Variants in CFLAR observed in about 807,000 individuals in gnomAD.
The protein encoded by CFLAR is CASP8 and FADD like apoptosis regulator.
A neutral mutation model predicts 51.1 loss-of-function variants in CFLAR; 14 were observed. That is an observed-to-expected ratio of 0.27 (90% CI 0.18 to 0.43). The LOEUF (loss-of-function observed/expected upper bound fraction) is 0.43, where lower values mean the gene tolerates loss of function less well. Ranked by LOEUF, CFLAR falls within the 20% of genes least tolerant of loss-of-function variation. CFLAR has a pLI of 1.00. For missense variants in CFLAR, 390 were observed against 566.5 expected (o/e 0.69, Z 3.16); for synonymous variants, 210 against 211.6 (o/e 0.99, Z 0.06).
Position 201,160,489 on chromosome 2 carries a change from T to C in CFLAR, c.851T>C (p.Leu284Pro). 6.2e-7 allele frequency: 1 copy of C among 1,613,906 alleles called. No individual in the cohort carries two copies. Among genetic ancestry groups the C allele is most frequent in the Non-Finnish European group, 8.5e-7 (1 of 1,179,976 alleles). ...TATGAAGTCCAGAAATTCTTGCATC[T>C]CAGTATGCATGGTATATCCCAGATT... The part of the protein sequence containing the change: ...LGYEVQKFLH[L>P]SMHGISQILG... Residue 284 changes from leucine (L) to proline (P), a missense_variant, in exon 9 of 10, where the codon CTC (leucine) becomes CCC (proline). By Grantham distance (98) the Leu-to-Pro change is moderately conservative. Coordinates refer to ENST00000309955, the MANE Select transcript of CFLAR (RefSeq NM_003879.7).
intron 2 of CFLAR, chr2:201,132,689 G>GT (rs2049493428): frequency 4.8e-6 from 1 of 206,986 alleles, no homozygotes; most frequent in South Asian, 1.8e-4. Context: ...TGTCTTTTAT[G>GT]TTAGTCATTT....
Position 201,176,277 on chromosome 2 carries a change from GC to G in CFLAR, c.*12305del, listed in dbSNP as rs1441394296. 2 of 99,224 alleles carry G rather than the reference GC, an allele frequency of 2.0e-5. No homozygotes were observed. Among genetic ancestry groups the G allele is most frequent in the Non-Finnish European group, 4.2e-5 (2 of 47,732 alleles). The allele number at this position is 99,224 out of a possible 1,614,324, so 6.1% of individuals were successfully genotyped here. A position where few individuals can be genotyped will look rare whatever the true frequency, so the allele number is the denominator to read the frequency against. ...TGATCAGTCTCAGGTGTTTTCTATT[GC>G]GGGGGGGGGGGGCGGGCGGGGGAGC... On this transcript the variant is annotated 3_prime_UTR_variant, in exon 10 of 10. Transcript: ENST00000309955.
At position 201,171,378 on chromosome 2, in the gene CFLAR, T is replaced by G. The variant is rs566889400; in HGVS notation, c.*7405T>G. 173 of 152,268 alleles carry G rather than the reference T, an allele frequency of 1.1e-3. No individual in the cohort carries two copies. The highest frequency in any genetic ancestry group is 3.9e-3 in the African/African-American group (164 of 41,540). 9.4% of individuals were successfully genotyped at this position (152,268 alleles called of 1,614,324 possible). A position where few individuals can be genotyped will look rare whatever the true frequency, so the allele number is the denominator to read the frequency against. ...ACATGGATGAAGCTGGAAGCCATTA[T>G]CCTCAGCAAACTAACAGAGGAGCAG... On this transcript the variant is annotated 3_prime_UTR_variant, in exon 10 of 10. Transcript: ENST00000309955.
At position 201,175,068 on chromosome 2, in the gene CFLAR, C is replaced by T. The variant is rs1375229272; in HGVS notation, c.*11095C>T. 6.6e-6 allele frequency: 1 copy of T among 152,216 alleles called. No individual in the cohort carries two copies. Among genetic ancestry groups the T allele is most frequent in the Non-Finnish European group, 1.5e-5 (1 of 68,052 alleles). 9.4% of individuals were successfully genotyped at this position (152,216 alleles called of 1,614,324 possible). A position where few individuals can be genotyped will look rare whatever the true frequency, so the allele number is the denominator to read the frequency against. On this transcript the variant is annotated 3_prime_UTR_variant, in exon 10 of 10. Coordinates refer to ENST00000309955, the MANE Select transcript of CFLAR (RefSeq NM_003879.7). ...CCTGTATGGTCTAAAAGGTCCAGACCTCCCCACTTCTTTCCTGGAAAACTC... is the reference window on the plus strand; with the variant it reads ...CCTGTATGGTCTAAAAGGTCCAGACTTCCCCACTTCTTTCCTGGAAAACTC...
At chr2:201,159,067 G>A (rs528410114) in intron 8 of CFLAR, among the ~76,000 whole-genome samples, 8 of 151,444 alleles carry the variant, frequency 5.3e-5, no homozygotes, top group African/African-American at 1.2e-4. Flanking sequence ...TAGTAGAGAC[G>A]GGGTTTCACC....
chr2:201,130,353 C>CTTTTTTTTTTTTTTT lies in CFLAR; in HGVS notation c.281+219_281+233dup, dbSNP rs771361555. ...TTTCTTGCTTTCTTTTTCTTTCTTT[C>CTTTTTTTTTTTTTTT]TTTTTTTTTTTTTTTTTTTTTTTTT... On this transcript the variant is annotated intron_variant, in intron 2 of 9. Transcript: ENST00000309955. Among the ~76,000 whole-genome samples the CTTTTTTTTTTTTTTT allele has an allele frequency of 6.0e-4, 55 of 92,274 alleles. 1 individual carries two copies. The highest frequency in any genetic ancestry group is 9.2e-4 in the African/African-American group (19 of 20,742). 60.5% of individuals were successfully genotyped at this position (92,274 alleles called of 152,430 possible).
At position 201,165,223 on chromosome 2, in the gene CFLAR, G is replaced by A. The variant is rs956927125; in HGVS notation, c.*1250G>A. ...GTGACCTAAAAGGGGACCATTGTTT[G>A]AAATATCATTAGAGTTGCTTATTAT... On this transcript the variant is annotated 3_prime_UTR_variant, in exon 10 of 10. Transcript: ENST00000309955. The A allele has an allele frequency of 2.0e-5, 3 of 149,582 alleles. No homozygotes were observed. The highest frequency in any genetic ancestry group is 7.4e-5 in the African/African-American group (3 of 40,474). The allele number at this position is 149,582 out of a possible 1,614,324, so 9.3% of individuals were successfully genotyped here.
At chr2:201,117,641 GATTTCCGAT>G (rs2047737115) in intron 1 of CFLAR, among the ~76,000 whole-genome samples, 1 of 151,752 alleles carries the variant, frequency 6.6e-6, no homozygotes, top group Non-Finnish European at 1.5e-5. Context: ...TTTAGAGAGA[GATTTCCGAT>G]AAGAGGAACG....
intron 8 of CFLAR, among the ~76,000 whole-genome samples, chr2:201,158,028 C>T (rs2125913477): frequency 6.6e-6 from 1 of 152,348 alleles, no homozygotes; most frequent in South Asian, 2.1e-4. Context: ...TTGGCTTCAC[C>T]TCCAGCTTTA....
chr2:201,135,421 C>T (rs2049964611), intron 3 of CFLAR, among the ~76,000 whole-genome samples: 1 of 152,168 alleles, frequency 6.6e-6, no homozygotes, highest in African/African-American at 2.4e-5. Flanking sequence ...CAACATGGCA[C>T]ACGTGTCTCT....
chr2:201,134,682 A>T (rs1029128262), intron 3 of CFLAR, among the ~76,000 whole-genome samples: 1 of 151,156 alleles, frequency 6.6e-6, no homozygotes, highest in Non-Finnish European at 1.5e-5. Flanking sequence ...AAAATAAAAT[A>T]AAAAAATATA....
intron 8 of CFLAR, 102 bp downstream of exon 8, chr2:201,149,937 C>T: frequency 1.2e-6 from 1 of 867,008 alleles, no homozygotes; most frequent in South Asian, 1.4e-5. Flanking sequence ...CCGTGACAAA[C>T]CAGTTCAAGA....
chr2:201,125,982 A>C (rs1476367438), intron 1 of CFLAR, among the ~76,000 whole-genome samples: 2 of 152,042 alleles, frequency 1.3e-5, no homozygotes, highest in African/African-American at 4.8e-5. Context: ...GTCAGGAGGG[A>C]AAAAGGCCAG....
At chr2:201,153,605 A>C (rs1941645626) in intron 8 of CFLAR, 1 of 152,182 alleles carries the variant, frequency 6.6e-6, no homozygotes, top group South Asian at 2.1e-4. Flanking sequence ...AACATTGAAC[A>C]CTTGGGAGGA....
At chr2:201,134,252 G>A (rs1319919004) in intron 3 of CFLAR, among the ~76,000 whole-genome samples, 1 of 151,578 alleles carries the variant, frequency 6.6e-6, no homozygotes, top group Non-Finnish European at 1.5e-5. Flanking sequence ...AGGTTGCAGT[G>A]AGTCGAGATT....
At chr2:201,137,411 A>C in intron 4 of CFLAR, 1 of 418,554 alleles carries the variant, frequency 2.4e-6, no homozygotes. Flanking sequence ...GAGCTGGGGA[A>C]CCCATAGTGC....
chr2:201,129,349 G>A (rs987442319), intron 1 of CFLAR: 1 of 164,422 alleles, frequency 6.1e-6, no homozygotes, highest in African/African-American at 2.4e-5. Context: ...TCTGTCGTTG[G>A]GCTTTTCCCA....
rs1944079242 is a variant in CFLAR at position 201,172,483 on chromosome 2, T to C, written c.*8510T>C. 6.6e-6 allele frequency: 1 copy of C among 152,206 alleles called. No homozygotes were observed. Among genetic ancestry groups the C allele is most frequent in the Non-Finnish European group, 1.5e-5 (1 of 68,022 alleles). The allele number at this position is 152,206 out of a possible 1,614,324, so 9.4% of individuals were successfully genotyped here. On this transcript the variant is annotated 3_prime_UTR_variant, in exon 10 of 10. Coordinates refer to ENST00000309955, the MANE Select transcript of CFLAR (RefSeq NM_003879.7). ...ATGATGCAGTGGATTTTAGTATATT[T>C]ACAGAGTTGTGCAATCATCACCACT...
intron 1 of CFLAR, among the ~76,000 whole-genome samples, chr2:201,123,093 C>T (rs56956251): frequency 0.023 from 3,458 of 152,290 alleles, 144 homozygotes; most frequent in African/African-American, 0.08. Flanking sequence ...TGATTTAGCT[C>T]CCTTGCTCCT....
Sources: allele counts gnomAD v4.1 joint callset (sites outside exome capture counted in the v4.1 genomes callset), GRCh38; gene constraint gnomAD v4.1.1; transcripts MANE v1.5; gene names NCBI Gene and HGNC (gene_info 2026-07-23, HGNC 2026-07-21).